ATM: variants seen among roughly 807,000 people sequenced by gnomAD.
The protein encoded by ATM is serine-protein kinase ATM.
Under a neutral mutation model 387.0 loss-of-function variants are expected in ATM, and 308 were observed. The observed-to-expected ratio is 0.80, with a 90% CI of 0.73 to 0.87. The LOEUF (loss-of-function observed/expected upper bound fraction) is 0.87. Among genes scored for constraint, ATM ranks in the 40% least tolerant of loss-of-function variants. ATM has a pLI of 0.00. For synonymous variants in ATM, 1,156 were observed against 1,187.3 expected (o/e 0.97, Z 0.54); for missense variants, 3,312 against 3,560.9 (o/e 0.93, Z 1.78).
intron 40 of ATM, among the ~76,000 whole-genome samples, chr11:108,313,264 T>A (rs1196566182): frequency 6.6e-6 from 1 of 152,216 alleles, no homozygotes; most frequent in African/African-American, 2.4e-5. Context: ...CTGAACATTT[T>A]AAAACCTCTC....
chr11:108,358,603 G>C (rs1365095967), intron 61 of ATM, among the ~76,000 whole-genome samples: 1 of 129,388 alleles, frequency 7.7e-6, no homozygotes, highest in African/African-American at 2.9e-5. Context: ...TCTCTCGGCA[G>C]AAACCCTACA....
intron 54 of ATM, 141 bp from the exon 55 acceptor site, chr11:108,334,828 C>T (rs2086654383): frequency 2.1e-6 from 2 of 962,978 alleles, no homozygotes. Flanking sequence ...CCACACCCGG[C>T]CTAAAGTTGT....
chr11:108,240,427 T>C (rs1056484740), intron 5 of ATM, among the ~76,000 whole-genome samples: 4 of 152,196 alleles, frequency 2.6e-5, no homozygotes, highest in Admixed American at 2.6e-4. Flanking sequence ...AATGTGGATA[T>C]GTTCTGAGAA....
chr11:108,247,861 TG>T (rs1358942121), intron 8 of ATM, among the ~76,000 whole-genome samples: 5 of 152,180 alleles, frequency 3.3e-5, no homozygotes, highest in African/African-American at 1.2e-4. Context: ...CCCATAGTGC[TG>T]GGATTACAGG....
chr11:108,266,789 A>ATTTTTTTT (rs893198517), intron 16 of ATM, among the ~76,000 whole-genome samples: 1 of 132,580 alleles, frequency 7.5e-6, no homozygotes. Flanking sequence ...GATTAGGTAA[A>ATTTTTTTT]TTTTTTTTTT....
chr11:108,353,458 T>A (rs1238000035), intron 59 of ATM, among the ~76,000 whole-genome samples: 1 of 152,138 alleles, frequency 6.6e-6, no homozygotes, highest in Non-Finnish European at 1.5e-5. Flanking sequence ...AAAAATTTTT[T>A]AAATATAAAT....
At chr11:108,301,027 G>A (rs949685080) in intron 34 of ATM, among the ~76,000 whole-genome samples, 2 of 151,790 alleles carry the variant, frequency 1.3e-5, no homozygotes, top group Non-Finnish European at 2.9e-5. Flanking sequence ...CTCCTAATGT[G>A]CAAAGTTTAT....
rs1204604787 is a variant in ATM at position 108,297,390 on chromosome 11, A to G, written c.5005+8A>G. The G allele has an allele frequency of 6.2e-6, 10 of 1,605,268 alleles. No homozygotes were observed. The highest frequency in any genetic ancestry group is 4.0e-5 in the African/African-American group (3 of 74,736). On this transcript the variant is annotated splice_region_variant and intron_variant, in intron 33 of 62. Coordinates refer to ENST00000675843, the MANE Select transcript of ATM (RefSeq NM_000051.4). Reference sequence around the variant, plus strand: ...GTGAAAAAGAAGTTCTAGGTAAACTACAGTCATGCGCTGCGTGACATTTCA... The same window carrying G: ...GTGAAAAAGAAGTTCTAGGTAAACTGCAGTCATGCGCTGCGTGACATTTCA...
chr11:108,253,915 G>A lies in ATM; in HGVS notation c.2000G>A (p.Arg667Lys), dbSNP rs2080304396. The A allele has an allele frequency of 1.9e-6, 3 of 1,614,064 alleles. No individual in the cohort carries two copies. The highest frequency in any genetic ancestry group is 1.1e-5 in the South Asian group (1 of 91,074). ...AAGATGGACTTTTTAACCATTGTGA[G>A]AGAATGTGGTATAGAAAAGCACCAG... is the stretch of plus-strand genomic sequence containing the variant. ...FDKMDFLTIV[R>K]ECGIEKHQSS... The change falls in exon 13 of 63, where the codon AGA becomes AAA. Residue 667 changes from arginine to lysine, a missense_variant. Arg to Lys is a conservative substitution (Grantham distance 26). This residue lies in a region of ATM where 1,791 missense variants were observed against 1,804.5 expected (regional missense o/e 0.99). Coordinates refer to ENST00000675843, the MANE Select transcript of ATM (RefSeq NM_000051.4).
intron 29 of ATM, among the ~76,000 whole-genome samples, chr11:108,292,039 C>A (rs1317701681): frequency 6.6e-6 from 1 of 152,192 alleles, no homozygotes; most frequent in East Asian, 1.9e-4. Flanking sequence ...GTCTGCCTTA[C>A]AAAGTTTCAA....
rs370160823 is a variant in ATM at position 108,268,618 on chromosome 11, C to A, written c.2838+9C>A. ...CCCTCCACCTGCATATGGTGAGTTACGTTAAATGAAGAAGCTCTTGGATTT... is the reference window on the plus strand; with the variant it reads ...CCCTCCACCTGCATATGGTGAGTTAAGTTAAATGAAGAAGCTCTTGGATTT... On this transcript the variant is annotated intron_variant, in intron 18 of 62. Coordinates refer to ENST00000675843, the MANE Select transcript of ATM (RefSeq NM_000051.4). 2 of 1,612,674 alleles carry A rather than the reference C, an allele frequency of 1.2e-6. No individual in the cohort carries two copies. Among genetic ancestry groups the A allele is most frequent in the African/African-American group, 1.3e-5 (1 of 74,886 alleles).
chr11:108,347,388 C>G (rs766736913), intron 59 of ATM, 23 bp downstream of exon 59: 1 of 1,523,510 alleles, frequency 6.6e-7, no homozygotes, highest in Non-Finnish European at 9.1e-7. Flanking sequence ...ATCTATGTAT[C>G]TATTCTTTTT....
chr11:108,246,198 TG>T (rs1219719565), intron 7 of ATM, among the ~76,000 whole-genome samples: 1 of 152,202 alleles, frequency 6.6e-6, no homozygotes, highest in Non-Finnish European at 1.5e-5. Context: ...CTAGATAATA[TG>T]TAGCCCATGA....
intron 33 of ATM, among the ~76,000 whole-genome samples, chr11:108,298,479 A>C (rs969718384): frequency 6.6e-6 from 1 of 152,240 alleles, no homozygotes; most frequent in Non-Finnish European, 1.5e-5. Context: ...GAACTGTAGA[A>C]GTTTTCTTTA....
Position 108,329,155 on chromosome 11 carries a change from G to A in ATM, c.7224G>A (p.Ser2408=), listed in dbSNP as rs145747513. Residue 2408 remains serine (S), a synonymous_variant, in exon 49 of 63, where the codon TCG becomes TCA. Transcript: ENST00000675843. ...GAATTGAAAACTACATGAAATCATC[G>A]GAATTTGAAAACAAGCAAGCTCTCC... ...YQRIENYMKS[S]EFENKQALLK... The A allele has an allele frequency of 2.9e-5, 47 of 1,614,008 alleles. No individual in the cohort carries two copies. In the African/African-American group the frequency reaches 5.6e-4, roughly 19 times the overall value.
chr11:108,282,056 C>G (rs1231027697), intron 24 of ATM, among the ~76,000 whole-genome samples: 1 of 152,114 alleles, frequency 6.6e-6, no homozygotes, highest in East Asian at 1.9e-4. Context: ...GTCTTGACCT[C>G]CTGGGCTCAA....
Position 108,345,797 on chromosome 11 carries a change from C to T in ATM, c.8473C>T (p.Gln2825Ter), listed in dbSNP as rs587781363. Residue 2825 changes from glutamine (Q) to a stop codon, truncating the protein, a stop_gained, in exon 58 of 63, where the codon CAA (glutamine) becomes TAA (stop). Transcript: ENST00000675843. LOFTEE classifies it high-confidence loss of function. ...ATATGAAGTCTTCATGGATGTTTGC[C>T]AAAATTTTCAACCAGTTTTCCGTTA... ...EKYEVFMDVC[Q>*]NFQPVFRYFC... The T allele has an allele frequency of 6.2e-7, 1 of 1,613,622 alleles. No individual in the cohort carries two copies. The highest frequency in any genetic ancestry group is 1.1e-5 in the South Asian group (1 of 91,054).
intron 13 of ATM, 55 bp downstream of exon 13, chr11:108,254,094 T>G: frequency 6.4e-7 from 1 of 1,552,028 alleles, no homozygotes; most frequent in Non-Finnish European, 8.8e-7. Context: ...TTTGGTAAAC[T>G]GTTAGGAAGG....
At position 108,272,844 on chromosome 11, in the gene ATM, A is replaced by G. The variant is rs2135573179; in HGVS notation, c.3276A>G (p.Ser1092=). The G allele has an allele frequency of 6.2e-7, 1 of 1,614,048 alleles. No individual in the cohort carries two copies. ...AAGTTCGCATGTTGGCTGCAGAGTC[A>G]ATCAATAGGTAATGGGTCAAATATT... ...HHQVRMLAAE[S]INRLFQDTKG... Residue 1092 remains serine, a synonymous_variant, in exon 22 of 63, where the codon TCA becomes TCG. Transcript: ENST00000675843.
Sources: gnomAD v4.1 joint callset for allele counts (sites outside exome capture counted in the v4.1 genomes callset) on GRCh38, gnomAD v4.1.1 for gene constraint, gnomAD v4.1.1 regional missense constraint, MANE v1.5 for transcripts, NCBI Gene and HGNC (gene_info 2026-07-23, HGNC 2026-07-21) for gene names.